Variants in PTPRG observed in about 807,000 individuals in gnomAD.
PTPRG encodes receptor-type tyrosine-protein phosphatase gamma.
A neutral mutation model predicts 165.3 loss-of-function variants in PTPRG; 102 were observed. That is an observed-to-expected ratio of 0.62 (90% CI 0.53 to 0.73). The LOEUF is 0.73. Ranked by LOEUF, PTPRG falls within the 30% of genes least tolerant of loss-of-function variation. The pLI is 0.00. For missense variants in PTPRG, 1,866 were observed against 1,861.4 expected (o/e 1.00, Z -0.05); for synonymous variants, 675 against 669.5 (o/e 1.01, Z -0.13).
Position 62,266,899 on chromosome 3 carries a change from C to T in PTPRG, c.2657-511C>T, listed in dbSNP as rs142831713. Among the ~76,000 whole-genome samples, 344 of 150,624 alleles carry T rather than the reference C, an allele frequency of 2.3e-3. 3 individuals are homozygous for T. The highest frequency in any genetic ancestry group is 7.8e-3 in the African/African-American group (320 of 40,970). On this transcript the variant is annotated intron_variant, in intron 17 of 29. Coordinates refer to ENST00000474889, the MANE Select transcript of PTPRG (RefSeq NM_002841.4). ...GGTTAAGTGGATCCTAAAATCTGAACATTAACTTCAGATTCCTGTAATGAG... is the reference window on the plus strand; with the variant it reads ...GGTTAAGTGGATCCTAAAATCTGAATATTAACTTCAGATTCCTGTAATGAG...
chr3:62,027,356 A>G (rs1333537032), intron 4 of PTPRG, among the ~76,000 whole-genome samples: 5 of 151,998 alleles, frequency 3.3e-5, no homozygotes, highest in Non-Finnish European at 1.5e-5. Context: ...CCTATACTTT[A>G]TTCTGATCCT....
At chr3:62,261,351 G>A (rs1246887428) in intron 16 of PTPRG, among the ~76,000 whole-genome samples, 1 of 152,194 alleles carries the variant, frequency 6.6e-6, no homozygotes, top group African/African-American at 2.4e-5. Flanking sequence ...GTCCCAACGT[G>A]CTAAGTTTGG....
rs554758481 is a variant in PTPRG at position 61,888,986 on chromosome 3, T to G, written c.191-100639T>G. On this transcript the variant is annotated intron_variant, in intron 2 of 29. Transcript: ENST00000474889. ...GCAGGAATAATTATTAGTGATATTG[T>G]GTTTTTCTCAGTGCATATCAGGAGG... 5.2e-4 allele frequency among the ~76,000 whole-genome samples: 79 copies of G among 152,358 alleles called. No homozygotes were observed. The Middle Eastern group carries it at 0.01, about 20-fold the overall frequency.
chr3:61,888,217 G>A (rs1365997838), intron 2 of PTPRG, among the ~76,000 whole-genome samples: 1 of 151,704 alleles, frequency 6.6e-6, no homozygotes, highest in Non-Finnish European at 1.5e-5. Flanking sequence ...GTGTGTGTGT[G>A]TGTGTCTGTC....
intron 2 of PTPRG, among the ~76,000 whole-genome samples, chr3:61,795,755 G>C (rs978534899): frequency 1.3e-5 from 2 of 151,600 alleles, no homozygotes; most frequent in East Asian, 1.9e-4. Context: ...GTATATACCG[G>C]CTATTTTTAT....
intron 2 of PTPRG, among the ~76,000 whole-genome samples, chr3:61,922,599 C>A (rs1221122002): frequency 6.6e-6 from 1 of 152,194 alleles, no homozygotes; most frequent in African/African-American, 2.4e-5. Context: ...AGCATGCTCT[C>A]CCTCACCCTC....
intron 8 of PTPRG, among the ~76,000 whole-genome samples, chr3:62,179,745 G>A (rs2106770909): frequency 6.6e-6 from 1 of 152,300 alleles, no homozygotes; most frequent in Non-Finnish European, 1.5e-5. Context: ...TTTCCTTCTT[G>A]GGTCCCTTTG....
intron 2 of PTPRG, among the ~76,000 whole-genome samples, chr3:61,860,364 GA>G (rs5849446): frequency 0.43 from 63,412 of 147,942 alleles, 14,521 homozygotes; most frequent in East Asian, 0.61. Context: ...TGTTTGATGA[GA>G]AAAAAAATAC....
chr3:61,700,495 A>G lies in PTPRG; in HGVS notation c.86-48383A>G, dbSNP rs139129228. ...AGCTTAACTTTAAAGGAAATTTATAACTAAATTGGGCTCAGTGAATTCCCT... is the reference window on the plus strand; with the variant it reads ...AGCTTAACTTTAAAGGAAATTTATAGCTAAATTGGGCTCAGTGAATTCCCT... On this transcript the variant is annotated intron_variant, in intron 1 of 29. Coordinates refer to ENST00000474889, the MANE Select transcript of PTPRG (RefSeq NM_002841.4). 1.9e-4 allele frequency among the ~76,000 whole-genome samples: 29 copies of G among 152,292 alleles called. No individual in the cohort carries two copies. The East Asian group carries it at 5.6e-3, about 29-fold the overall frequency.
At chr3:62,105,356 ATTTCT>A (rs771028865) in intron 5 of PTPRG, among the ~76,000 whole-genome samples, 4 of 152,170 alleles carry the variant, frequency 2.6e-5, no homozygotes, top group Admixed American at 2.0e-4. Flanking sequence ...CTTCGACATG[ATTTCT>A]TTTCCAGCAA....
chr3:61,753,508 A>T, intron 2 of PTPRG: 1 of 406,748 alleles, frequency 2.5e-6, no homozygotes. Flanking sequence ...AACACATGCT[A>T]GGCAGGTCAT....
chr3:61,961,411 G>A (rs1001744404), intron 2 of PTPRG, among the ~76,000 whole-genome samples: 2 of 152,126 alleles, frequency 1.3e-5, no homozygotes, highest in Non-Finnish European at 1.5e-5. Flanking sequence ...TTAAAATTCG[G>A]ACTTAATTAA....
chr3:61,970,214 T>A (rs1182579891), intron 2 of PTPRG, among the ~76,000 whole-genome samples: 1 of 151,910 alleles, frequency 6.6e-6, no homozygotes, highest in African/African-American at 2.4e-5. Flanking sequence ...GCTTTTTGGA[T>A]GGCATTGAGA....
At chr3:62,194,806 A>AT (rs1699919942) in intron 9 of PTPRG, among the ~76,000 whole-genome samples, 1 of 116,956 alleles carries the variant, frequency 8.6e-6, no homozygotes, top group African/African-American at 2.9e-5. Context: ...TCATCTCAAT[A>AT]AAAAAAAAAA....
intron 1 of PTPRG, among the ~76,000 whole-genome samples, chr3:61,626,137 T>C (rs1320765172): frequency 6.6e-6 from 1 of 151,920 alleles, no homozygotes; most frequent in East Asian, 1.9e-4. Context: ...GTGATTCAAG[T>C]GTAAGGTAAA....
At chr3:61,638,718 G>A (rs147398750) in intron 1 of PTPRG, among the ~76,000 whole-genome samples, 22 of 149,924 alleles carry the variant, frequency 1.5e-4, no homozygotes, top group African/African-American at 4.4e-4. Context: ...GATTACAGGC[G>A]TGAGCCACCG....
intron 4 of PTPRG, among the ~76,000 whole-genome samples, chr3:62,030,504 C>T (rs1332484745): frequency 1.3e-5 from 2 of 152,078 alleles, no homozygotes; most frequent in Non-Finnish European, 2.9e-5. Context: ...GTGGTTAAAT[C>T]GGCATTAGTC....
chr3:61,937,937 G>GTT (rs140888196), intron 2 of PTPRG, among the ~76,000 whole-genome samples: 44,391 of 150,224 alleles, frequency 0.3, 6,871 homozygotes, highest in East Asian at 0.5. Context: ...TTGATCTTGG[G>GTT]GTTTTTTTTT....
intron 1 of PTPRG, among the ~76,000 whole-genome samples, chr3:61,579,445 T>G (rs888729073): frequency 5.3e-5 from 8 of 152,228 alleles, no homozygotes; most frequent in African/African-American, 1.9e-4. Context: ...ACACAAACCA[T>G]TTTTTGAGCA....
Sources: gnomAD v4.1 joint callset for allele counts (sites outside exome capture counted in the v4.1 genomes callset) on GRCh38, gnomAD v4.1.1 for gene constraint, MANE v1.5 for transcripts, NCBI Gene and HGNC (gene_info 2026-07-23, HGNC 2026-07-21) for gene names.